Variants in ALG13 observed in about 807,000 individuals in gnomAD.
ALG13 encodes UDP-N-acetylglucosamine transferase subunit ALG13.
ALG13 carries 11 observed loss-of-function variants against 87.8 expected under a neutral mutation model. That is an observed-to-expected ratio of 0.13 (90% CI 0.08 to 0.21). The LOEUF is 0.21. Ranked by LOEUF, ALG13 falls within the 10% of genes least tolerant of loss-of-function variation. The pLI, the probability that ALG13 is intolerant of heterozygous loss-of-function variation, is 1.00. For missense variants in ALG13, 756 were observed against 866.1 expected (o/e 0.87, Z 1.60); for synonymous variants, 320 against 306.3 (o/e 1.04, Z -0.47).
chrX:111,733,262 A>G (rs775495098), intron 21 of ALG13, among the ~76,000 whole-genome samples: 2 of 111,080 alleles, frequency 1.8e-5, no homozygotes, highest in South Asian at 7.7e-4. Context: ...ACTGTAAGCA[A>G]TGTATAGTCT....
At chrX:111,687,585 C>T (rs1376798308) in intron 3 of ALG13, among the ~76,000 whole-genome samples, 1 of 111,398 alleles carries the variant, frequency 9.0e-6, no homozygotes. Context: ...TTAAATATGC[C>T]CAGTCCTGAG....
In ALG13 at chrX:111,724,003, T is replaced by C. The variant is rs1941693169; in HGVS notation, c.1601+105T>C. 2.2e-5 allele frequency: 11 copies of C among 492,668 alleles called. No homozygotes were observed. The East Asian group carries it at 4.3e-4, about 19-fold the overall frequency. The allele number at this position is 492,668 out of a possible 1,213,427, so 40.6% of individuals were successfully genotyped here. On this transcript the variant is annotated intron_variant, in intron 14 of 26. Transcript: ENST00000394780. ...AGGATGCTAGTAAGAGAACCAGAAT[T>C]GTATCTACTGTTGGCCTAGGATGAC...
At chrX:111,721,538 T>G in intron 11 of ALG13, 65 bp from the exon 12 acceptor site, 1 of 539,107 alleles carries the variant, frequency 1.9e-6, no homozygotes, top group South Asian at 2.9e-5. Flanking sequence ...GAAACTTAAT[T>G]CTTCCTTCTT....
At chrX:111,749,387 C>T (rs749044998) in intron 24 of ALG13, among the ~76,000 whole-genome samples, 1 of 109,757 alleles carries the variant, frequency 9.1e-6, no homozygotes, top group East Asian at 2.9e-4. Flanking sequence ...TCTGTGCCCT[C>T]TTTTGTTGCA....
Position 111,757,747 on chromosome X carries a change from G to A in ALG13, c.3133G>A (p.Glu1045Lys). The A allele has an allele frequency of 8.3e-7, 1 of 1,207,332 alleles. No individual in the cohort carries two copies. Among genetic ancestry groups the A allele is most frequent in the Non-Finnish European group, 1.1e-6 (1 of 893,978 alleles). Residue 1045 changes from glutamate (E) to lysine (K), a missense_variant, in exon 26 of 27, where the codon GAA becomes AAA. Around this residue, in one of 9 missense-constraint regions of ALG13, gnomAD observed 110 missense variants for 104.9 expected, o/e 1.05. Transcript: ENST00000394780. Reference protein sequence around the residue: ...EVRREDGIQAEASANDTFPNA... With the variant: ...EVRREDGIQAKASANDTFPNA... ...GAGGAGAGAAGATGGCATACAGGCGGAAGCATCAGCAAATGGTGAGTGTGT... is the reference window on the plus strand; with the variant it reads ...GAGGAGAGAAGATGGCATACAGGCGAAAGCATCAGCAAATGGTGAGTGTGT...
intron 10 of ALG13, among the ~76,000 whole-genome samples, chrX:111,719,320 C>T (rs1012816425): frequency 4.5e-5 from 5 of 111,332 alleles, no homozygotes; most frequent in African/African-American, 1.3e-4. Flanking sequence ...CCACCACACC[C>T]GGCAGAAGAG....
intron 25 of ALG13, among the ~76,000 whole-genome samples, chrX:111,756,730 C>T (rs1459856864): frequency 8.9e-6 from 1 of 112,107 alleles, no homozygotes; most frequent in Non-Finnish European, 1.9e-5. Context: ...TTCATATTCC[C>T]TGACACTGAT....
Position 111,727,577 on chromosome X carries a change from C to T in ALG13, c.2091-37C>T, listed in dbSNP as rs181375433. The T allele has an allele frequency of 2.5e-4, 295 of 1,157,532 alleles. No homozygotes were observed. The African/African-American group carries it at 4.8e-3, about 19-fold the overall frequency. On this transcript the variant is annotated intron_variant, in intron 17 of 26. Transcript: ENST00000394780. ...AAATTAGGAACAAGTTACTATATTT[C>T]ATCATTTTTACTTTTTTATTATTTG... is the stretch of plus-strand genomic sequence containing the variant.
Position 111,689,281 on chromosome X carries a change from C to A in ALG13, c.383+4178C>A. On this transcript the variant is annotated intron_variant, in intron 3 of 26. Transcript: ENST00000394780. ...GTTTTAGGAAAGGTCCTATTCAAAT[C>A]CAGGGAGAGAATCTTTAGTGTTTTC... The A allele has an allele frequency of 5.3e-6, 4 of 750,385 alleles. No individual in the cohort carries two copies. The South Asian group carries it at 2.7e-4, about 51-fold the overall frequency. 61.8% of individuals were successfully genotyped at this position (750,385 alleles called of 1,213,427 possible).
chrX:111,696,445 T>C (rs1158029477), intron 3 of ALG13, among the ~76,000 whole-genome samples: 1 of 111,716 alleles, frequency 9.0e-6, no homozygotes, highest in Admixed American at 9.5e-5. Flanking sequence ...ATTCTTTTCA[T>C]GATACCATAT....
At chrX:111,716,207 A>G (rs1940573612) in intron 8 of ALG13, among the ~76,000 whole-genome samples, 1 of 111,391 alleles carries the variant, frequency 9.0e-6, no homozygotes, top group Non-Finnish European at 1.9e-5. Flanking sequence ...AGTAATATAG[A>G]TCTACCCCAT....
intron 3 of ALG13, among the ~76,000 whole-genome samples, chrX:111,695,534 A>C (rs1437604944): frequency 9.1e-6 from 1 of 110,259 alleles, no homozygotes; most frequent in Non-Finnish European, 1.9e-5. Context: ...AAAAAAAAAA[A>C]AAAACAAACC....
chrX:111,687,191 T>C (rs1935186685), intron 3 of ALG13, among the ~76,000 whole-genome samples: 3 of 112,236 alleles, frequency 2.7e-5, no homozygotes, highest in African/African-American at 9.7e-5. Flanking sequence ...GTGATCCGCC[T>C]GCCTTGGCCT....
chrX:111,688,227 G>A (rs899892654), intron 3 of ALG13: 1 of 779,122 alleles, frequency 1.3e-6, no homozygotes, highest in Non-Finnish European at 1.5e-6. Context: ...TCAGTATGTA[G>A]TGAGCATTCA....
rs189759386 is a variant in ALG13, at chrX:111,685,364, G to A, written c.383+261G>A. 45 of 235,060 alleles carry A rather than the reference G, an allele frequency of 1.9e-4. 1 individual carries two copies. The highest frequency in any genetic ancestry group is 1.3e-3 in the African/African-American group (45 of 34,451). 19.4% of individuals were successfully genotyped at this position (235,060 alleles called of 1,213,427 possible). ...GAGTGTGTGTATGTGTGTTTATTTA[G>A]GCGTGCATGTCTCCAAGACACTAAT... On this transcript the variant is annotated intron_variant, in intron 3 of 26. Coordinates refer to ENST00000394780, the MANE Select transcript of ALG13 (RefSeq NM_001099922.3).
At chrX:111,689,241 G>A (rs1161277687) in intron 3 of ALG13, 2 of 749,955 alleles carry the variant, frequency 2.7e-6, no homozygotes. Flanking sequence ...AATCATAATT[G>A]TATATCAATG....
intron 3 of ALG13, among the ~76,000 whole-genome samples, chrX:111,707,120 C>T (rs1410629828): frequency 2.7e-5 from 3 of 111,198 alleles, no homozygotes; most frequent in African/African-American, 9.8e-5. Context: ...TTGGGCCTGC[C>T]TTTGGCACTT....
chrX:111,732,789 T>C (rs1942838488), intron 21 of ALG13, among the ~76,000 whole-genome samples: 1 of 112,040 alleles, frequency 8.9e-6, no homozygotes, highest in Non-Finnish European at 1.9e-5. Flanking sequence ...CTTTCTGTTC[T>C]TTCTCCTTCC....
At position 111,684,096 on chromosome X, in the gene ALG13, G is replaced by A. The variant is rs145595303; in HGVS notation, c.245-869G>A. ...ACACATTCAGTAGAAACCGCTCTTC[G>A]AGTACCCATATAACCATTCTGTTTT... On this transcript the variant is annotated intron_variant, in intron 2 of 26. Coordinates refer to ENST00000394780, the MANE Select transcript of ALG13 (RefSeq NM_001099922.3). Among the ~76,000 whole-genome samples the A allele has an allele frequency of 2.3e-4, 26 of 111,758 alleles. 1 individual carries two copies. The East Asian group carries it at 6.5e-3, about 28-fold the overall frequency.
Sources: gnomAD v4.1 joint callset for allele counts (sites outside exome capture counted in the v4.1 genomes callset) on GRCh38, gnomAD v4.1.1 for gene constraint, gnomAD v4.1.1 regional missense constraint, MANE v1.5 for transcripts, NCBI Gene and HGNC (gene_info 2026-07-23, HGNC 2026-07-21) for gene names.